Variants in ZNRD2 observed in about 807,000 individuals in gnomAD.
ZNRD2 encodes the protein protein ZNRD2.
ZNRD2 carries 16 observed loss-of-function variants against 22.0 expected under a neutral mutation model. The ratio of observed to expected loss-of-function variants is 0.73; its 90% CI spans 0.49 to 1.11. ZNRD2 has a LOEUF of 1.11. ZNRD2 is among the 50% of genes least tolerant of loss of function. The pLI, the probability that ZNRD2 is intolerant of heterozygous loss-of-function variation, is 0.00. For missense variants in ZNRD2, 269 were observed against 258.9 expected (o/e 1.04, Z -0.27); for synonymous variants, 105 against 109.8 (o/e 0.96, Z 0.27).
Position 65,570,740 on chromosome 11 carries a change from G to A in ZNRD2, c.156G>A (p.Thr52=), listed in dbSNP as rs1244175922. Residue 52 remains threonine, a synonymous_variant, in exon 2 of 4, where the codon ACG becomes ACA. Transcript: ENST00000309328. ...GCGGTTACCGCATGCTGGGCGAGAC[G>A]TGTGCGGACTGCGGGGTGAGGCGAG... ...LLRGYRMLGE[T]CADCGTILLQ... is the part of the protein sequence containing the mutation. 1.2e-5 allele frequency: 20 copies of A among 1,613,726 alleles called. No homozygotes were observed. The Admixed American group carries it at 3.2e-4, about 26-fold the overall frequency.
intron 2 of ZNRD2, 40 bp from the exon 3 acceptor site, chr11:65,570,846 C>T (rs1326361457): frequency 3.1e-6 from 5 of 1,613,572 alleles, no homozygotes; most frequent in East Asian, 2.2e-5. Flanking sequence ...ACCCCATTGC[C>T]GGCGTCTCAT....
rs1857102407 is a variant in ZNRD2 at position 65,570,500 on chromosome 11, G to A, written c.9G>A (p.Leu3=). Reference sequence around the variant, plus strand: ...GCGGTGACAACGGCAACATGGCCCTGAACGGAGCTGGTGAGGACCTGGGCG... The same window carrying A: ...GCGGTGACAACGGCAACATGGCCCTAAACGGAGCTGGTGAGGACCTGGGCG... MA[L]NGAEVDDFSW... is the part of the protein sequence containing the mutation. The change falls in exon 1 of 4, where the codon CTG becomes CTA. Residue 3 remains leucine (L), a synonymous_variant. Transcript: ENST00000309328. The A allele has an allele frequency of 1.9e-6, 3 of 1,613,708 alleles. No homozygotes were observed. Among genetic ancestry groups the A allele is most frequent in the Non-Finnish European group, 2.5e-6 (3 of 1,179,972 alleles).
At chr11:65,570,805 C>T (rs777920439) in intron 2 of ZNRD2, 50 bp downstream of exon 2, 6 of 1,612,310 alleles carry the variant, frequency 3.7e-6, no homozygotes, top group Admixed American at 1.7e-5. Flanking sequence ...CGGGCCAGGC[C>T]ACTCAGCCCT....
rs1023122728 is a variant in ZNRD2, at chr11:65,570,681, C to T, written c.97C>T (p.Arg33Cys). ...GCAGGCGCGACGGGAGCGGCAAGAT[C>T]GCATCTCCCGGCTCATGGGCGACTA... ...VLQARRERQD[R>C]ISRLMGDYLL... The change falls in exon 2 of 4, where the codon CGC becomes TGC. Residue 33 changes from arginine to cysteine, a missense_variant. Physicochemically the swap from Arg to Cys is radical, Grantham distance 180. Coordinates refer to ENST00000309328, the MANE Select transcript of ZNRD2 (RefSeq NM_006396.3). 1 of 1,613,790 alleles carries T rather than the reference C, an allele frequency of 6.2e-7. No homozygotes were observed. Among genetic ancestry groups the T allele is most frequent in the African/African-American group, 1.3e-5 (1 of 75,052 alleles).
chr11:65,571,796 T>C lies in ZNRD2; in HGVS notation c.*62T>C. On this transcript the variant is annotated 3_prime_UTR_variant, in exon 4 of 4. Coordinates refer to ENST00000309328, the MANE Select transcript of ZNRD2 (RefSeq NM_006396.3). ...TGTTCCTCTGTGTGGTTTGTTTTTT[T>C]CCTGGTTCCAAGTGTGCATGCCAGC... 3 of 1,477,116 alleles carry C rather than the reference T, an allele frequency of 2.0e-6. No homozygotes were observed. Among genetic ancestry groups the C allele is most frequent in the South Asian group, 1.4e-5 (1 of 72,162 alleles). 91.5% of individuals were successfully genotyped at this position (1,477,116 alleles called of 1,614,324 possible).
chr11:65,571,662 T>C lies in ZNRD2; in HGVS notation c.528T>C (p.Thr176=), dbSNP rs1357346220. The change falls in exon 4 of 4, where the codon ACT becomes ACC. Residue 176 remains threonine (T), a synonymous_variant. Transcript: ENST00000309328. ...TGGGCTCTAGCACCTCCCTGGAGAC[T>C]AGCATCCAGCTGTGTGGCCTTATCC... ...AELGSSTSLE[T]SIQLCGLIRA... is the part of the protein sequence containing the mutation. The C allele has an allele frequency of 1.2e-6, 2 of 1,613,900 alleles. No homozygotes were observed. The highest frequency in any genetic ancestry group is 2.7e-5 in the African/African-American group (2 of 74,944).
intron 2 of ZNRD2, 32 bp from the exon 3 acceptor site, chr11:65,570,854 C>T (rs1412928160): frequency 1.2e-6 from 2 of 1,613,804 alleles, no homozygotes; most frequent in Non-Finnish European, 1.7e-6. Flanking sequence ...GCCGGCGTCT[C>T]ATTCCGGCCC....
Position 65,570,797 on chromosome 11 carries a change from G to A in ZNRD2, c.171+42G>A, listed in dbSNP as rs758665116. On this transcript the variant is annotated intron_variant, in intron 2 of 3. Transcript: ENST00000309328. ...GCGAGTGACCGGGGATGGGTCCGCG[G>A]GCCAGGCCACTCAGCCCTTCCCCGG... is the stretch of plus-strand genomic sequence containing the variant. The A allele has an allele frequency of 4.0e-5, 64 of 1,612,422 alleles. No homozygotes were observed. In the Middle Eastern group the frequency reaches 1.2e-3, roughly 29 times the overall value.
At chr11:65,570,778 G>C (rs754240167) in intron 2 of ZNRD2, 23 bp downstream of exon 2, 2 of 1,612,928 alleles carry the variant, frequency 1.2e-6, no homozygotes, top group African/African-American at 2.7e-5. Context: ...TCGGGCGAGT[G>C]ACCGGGGATG....
In ZNRD2 at chr11:65,570,628, C is replaced by T. The variant is rs1473986163; in HGVS notation, c.44C>T (p.Pro15Leu). 3 of 1,613,954 alleles carry T rather than the reference C, an allele frequency of 1.9e-6. No individual in the cohort carries two copies. Among genetic ancestry groups the T allele is most frequent in the Non-Finnish European group, 2.5e-6 (3 of 1,179,982 alleles). Residue 15 changes from proline to leucine, a missense_variant, in exon 2 of 4, where the codon CCC (proline) becomes CTC (leucine). Transcript: ENST00000309328. ...GAEVDDFSWE[P>L]PTEAETKVLQ... ...GAAGTCGACGACTTCTCCTGGGAGCCCCCGACTGAGGCGGAGACGAAGGTG... is the reference window on the plus strand; with the variant it reads ...GAAGTCGACGACTTCTCCTGGGAGCTCCCGACTGAGGCGGAGACGAAGGTG...
Position 65,570,530 on chromosome 11 carries a change from G to C in ZNRD2, c.19+20G>C. 1 of 1,613,952 alleles carries C rather than the reference G, an allele frequency of 6.2e-7. No homozygotes were observed. ...GAGCTGGTGAGGACCTGGGCGGCAGGGGTTTGTGGCTGTGAGGTACGGGAG... is the reference window on the plus strand; with the variant it reads ...GAGCTGGTGAGGACCTGGGCGGCAGCGGTTTGTGGCTGTGAGGTACGGGAG... On this transcript the variant is annotated intron_variant, in intron 1 of 3. Coordinates refer to ENST00000309328, the MANE Select transcript of ZNRD2 (RefSeq NM_006396.3).
At chr11:65,570,786 A>T (rs755497170) in intron 2 of ZNRD2, 31 bp downstream of exon 2, 1 of 1,612,620 alleles carries the variant, frequency 6.2e-7, no homozygotes, top group Non-Finnish European at 8.5e-7. Flanking sequence ...GTGACCGGGG[A>T]TGGGTCCGCG....
rs941835130 is a variant in ZNRD2, at chr11:65,571,274, A to G, written c.257-117A>G. The G allele has an allele frequency of 1.3e-5, 17 of 1,322,828 alleles. No homozygotes were observed. The African/African-American group carries it at 2.5e-4, about 20-fold the overall frequency. The allele number at this position is 1,322,828 out of a possible 1,614,324, so 81.9% of individuals were successfully genotyped here. ...AAGTAGAAAGTGGATGAGTTGCCTT[A>G]TAGAGGGACAGGGAAAACACCTCAA... On this transcript the variant is annotated intron_variant, in intron 3 of 3. Transcript: ENST00000309328.
At position 65,570,498 on chromosome 11, in the gene ZNRD2, C is replaced by T. The variant is rs763325882; in HGVS notation, c.7C>T (p.Leu3=). 1.2e-6 allele frequency: 2 copies of T among 1,613,818 alleles called. No individual in the cohort carries two copies. The highest frequency in any genetic ancestry group is 1.1e-5 in the South Asian group (1 of 91,082). Residue 3 remains leucine, a synonymous_variant, in exon 1 of 4, where the codon CTG becomes TTG. Transcript: ENST00000309328. MA[L]NGAEVDDFSW... ...CGGCGGTGACAACGGCAACATGGCC[C>T]TGAACGGAGCTGGTGAGGACCTGGG...
chr11:65,570,602 A>G lies in ZNRD2; in HGVS notation c.20-2A>G, dbSNP rs112403982. ...CCCAGTCCCTATGCCTCTCTTCCCC[A>G]GAAGTCGACGACTTCTCCTGGGAGC... is the stretch of plus-strand genomic sequence containing the variant. On this transcript the variant is annotated splice_acceptor_variant, in intron 1 of 3. Transcript: ENST00000309328. LOFTEE classifies it high-confidence loss of function. The G allele has an allele frequency of 6.2e-7, 1 of 1,613,918 alleles. No individual in the cohort carries two copies. The highest frequency in any genetic ancestry group is 2.2e-5 in the East Asian group (1 of 44,880).
rs370247403 is a variant in ZNRD2, at chr11:65,570,704, C to T, written c.120C>T (p.Asp40=). 2.5e-6 allele frequency: 4 copies of T among 1,613,796 alleles called. No individual in the cohort carries two copies. Among genetic ancestry groups the T allele is most frequent in the Non-Finnish European group, 3.4e-6 (4 of 1,179,976 alleles). Residue 40 remains aspartate, a synonymous_variant, in exon 2 of 4, where the codon GAC becomes GAT. Coordinates refer to ENST00000309328, the MANE Select transcript of ZNRD2 (RefSeq NM_006396.3). The stretch of plus-strand genomic sequence containing the variant: ...ATCGCATCTCCCGGCTCATGGGCGA[C>T]TATCTGCTGCGCGGTTACCGCATGC... ...RQDRISRLMG[D]YLLRGYRMLG...
chr11:65,571,564 C>T lies in ZNRD2; in HGVS notation c.430C>T (p.Pro144Ser). The T allele has an allele frequency of 6.2e-7, 1 of 1,614,072 alleles. No individual in the cohort carries two copies. Among genetic ancestry groups the T allele is most frequent in the Non-Finnish European group, 8.5e-7 (1 of 1,180,028 alleles). The change falls in exon 4 of 4, where the codon CCT becomes TCT. Residue 144 changes from proline to serine, a missense_variant. Physicochemically the swap from Pro to Ser is moderately conservative, Grantham distance 74 (BLOSUM62 -1). Transcript: ENST00000309328. Reference protein sequence around the residue: ...AAQGPPAPAVPPNTDVMACTQ... With the variant: ...AAQGPPAPAVSPNTDVMACTQ... ...CCAGGGGCCACCTGCTCCTGCTGTG[C>T]CTCCAAATACAGATGTCATGGCCTG...
chr11:65,571,874 G>T lies in ZNRD2; in HGVS notation c.*140G>T, dbSNP rs948071249. On this transcript the variant is annotated 3_prime_UTR_variant, in exon 4 of 4. Transcript: ENST00000309328. ...TTTGGCCTCTTCACCTCTCCACTCT[G>T]CTCTCCTTGACGCCCTGAGATGAGT... is the stretch of plus-strand genomic sequence containing the variant. The T allele has an allele frequency of 7.8e-7, 1 of 1,277,392 alleles. No individual in the cohort carries two copies. Among genetic ancestry groups the T allele is most frequent in the Non-Finnish European group, 1.0e-6 (1 of 954,880 alleles). The allele number at this position is 1,277,392 out of a possible 1,614,324, so 79.1% of individuals were successfully genotyped here. A position where few individuals can be genotyped will look rare whatever the true frequency, so the allele number is the denominator to read the frequency against.
intron 3 of ZNRD2, 133 bp from the exon 4 acceptor site, chr11:65,571,258 G>C: frequency 1.7e-6 from 2 of 1,156,226 alleles, no homozygotes; most frequent in South Asian, 1.6e-5. Flanking sequence ...AAAGTAGAAA[G>C]TGGATGAGTT....
Sources: gnomAD v4.1 joint callset for allele counts on GRCh38, gnomAD v4.1.1 for gene constraint, MANE v1.5 for transcripts, NCBI Gene and HGNC (gene_info 2026-07-23, HGNC 2026-07-21) for gene names.